Variants in LRP1B observed in about 807,000 individuals in gnomAD.
LRP1B encodes the protein low-density lipoprotein receptor-related protein 1B.
In LRP1B, 217 loss-of-function variants were observed where a neutral mutation model predicts 556.6. That is an observed-to-expected ratio of 0.39 (90% CI 0.35 to 0.44). The LOEUF is 0.44. Among genes scored for constraint, LRP1B ranks in the 20% least tolerant of loss-of-function variants. The pLI is 1.00. For synonymous variants in LRP1B, 2,047 were observed against 1,865.8 expected (o/e 1.10, Z -2.50); for missense variants, 5,053 against 5,620.8 (o/e 0.90, Z 3.23).
At chr2:140,648,062 G>A (rs145612961) in intron 41 of LRP1B, among the ~76,000 whole-genome samples, 2,290 of 152,240 alleles carry the variant, frequency 0.015, 65 homozygotes, top group African/African-American at 0.051. Context: ...GTGATAGACT[G>A]GATTAAGAAA....
At chr2:141,335,611 C>A (rs1159653733) in intron 3 of LRP1B, among the ~76,000 whole-genome samples, 1 of 151,958 alleles carries the variant, frequency 6.6e-6, no homozygotes, top group Non-Finnish European at 1.5e-5. Flanking sequence ...TTAAAATCCA[C>A]TAGAGACAGT....
chr2:140,603,952 G>T (rs190353538), intron 41 of LRP1B, among the ~76,000 whole-genome samples: 1 of 152,214 alleles, frequency 6.6e-6, no homozygotes, highest in Admixed American at 6.5e-5. Context: ...CATGTGGCAT[G>T]TATATGTGTG....
At chr2:140,443,934 ACTCT>A (rs1409310101) in intron 65 of LRP1B, among the ~76,000 whole-genome samples, 1 of 152,174 alleles carries the variant, frequency 6.6e-6, no homozygotes, top group East Asian at 1.9e-4. Context: ...TGGAGAAAAC[ACTCT>A]CTAATTAAAA....
At chr2:140,914,609 A>G (rs1318971941) in intron 21 of LRP1B, among the ~76,000 whole-genome samples, 1 of 152,084 alleles carries the variant, frequency 6.6e-6, no homozygotes, top group Non-Finnish European at 1.5e-5. Flanking sequence ...GAAAGATGAG[A>G]AGGAGCAAAA....
At chr2:141,125,205 G>T (rs1574099429) in intron 7 of LRP1B, among the ~76,000 whole-genome samples, 1 of 152,124 alleles carries the variant, frequency 6.6e-6, no homozygotes, top group African/African-American at 2.4e-5. Context: ...GAAGAAACAG[G>T]ATTAAAAACC....
chr2:141,855,749 C>T lies in LRP1B; in HGVS notation c.83-45348G>A, dbSNP rs114547032. 7.9e-3 allele frequency among the ~76,000 whole-genome samples: 1,201 copies of T among 152,170 alleles called. 23 individuals carry two copies. Among genetic ancestry groups the T allele is most frequent in the African/African-American group, 0.027 (1,135 of 41,540 alleles). ...AGCAGATGACTCTCCTCCTCCCTTACGCCACATCCAAACAAGTGAAGTCTG... is the reference window on the plus strand; with the variant it reads ...AGCAGATGACTCTCCTCCTCCCTTATGCCACATCCAAACAAGTGAAGTCTG... On this transcript the variant is annotated intron_variant, in intron 1 of 90. Transcript: ENST00000389484.
intron 34 of LRP1B, 108 bp downstream of exon 34, chr2:140,770,769 CTAGT>C: frequency 1.4e-6 from 1 of 737,778 alleles, no homozygotes; most frequent in South Asian, 2.7e-5. Flanking sequence ...TTCCTAATAA[CTAGT>C]TAATTTTTTT....
intron 3 of LRP1B, among the ~76,000 whole-genome samples, chr2:141,323,864 C>T (rs1047499571): frequency 2.0e-5 from 3 of 151,636 alleles, no homozygotes; most frequent in Middle Eastern, 3.4e-3. Flanking sequence ...CACACACACA[C>T]ATACACACAT....
intron 6 of LRP1B, among the ~76,000 whole-genome samples, chr2:141,207,011 G>C (rs1293888085): frequency 6.6e-6 from 1 of 152,140 alleles, no homozygotes; most frequent in African/African-American, 2.4e-5. Context: ...CAAGTTTCCA[G>C]CGTATTCAGA....
At chr2:140,525,552 G>T (rs1451868590) in intron 49 of LRP1B, among the ~76,000 whole-genome samples, 3 of 151,870 alleles carry the variant, frequency 2.0e-5, no homozygotes, top group African/African-American at 4.8e-5. Context: ...TCTGTTGAAG[G>T]ATTATAAATT....
chr2:141,336,767 A>G (rs1448933197), intron 3 of LRP1B, among the ~76,000 whole-genome samples: 1 of 152,186 alleles, frequency 6.6e-6, no homozygotes, highest in Non-Finnish European at 1.5e-5. Flanking sequence ...CTTGCTCACT[A>G]TAATTCTTTG....
At chr2:141,040,900 T>C (rs1174936699) in intron 11 of LRP1B, among the ~76,000 whole-genome samples, 1 of 152,074 alleles carries the variant, frequency 6.6e-6, no homozygotes, top group African/African-American at 2.4e-5. Flanking sequence ...TCGGAGAATA[T>C]ATTTGACAGA....
chr2:141,445,320 T>C (rs192704480), intron 3 of LRP1B, among the ~76,000 whole-genome samples: 2,235 of 152,318 alleles, frequency 0.015, 36 homozygotes, highest in South Asian at 0.025. Flanking sequence ...TTCTCTCTTT[T>C]CTTCTTTATT....
intron 3 of LRP1B, among the ~76,000 whole-genome samples, chr2:141,268,890 G>C (rs1684987739): frequency 6.6e-6 from 1 of 152,102 alleles, no homozygotes; most frequent in Non-Finnish European, 1.5e-5. Context: ...GAATGTACTG[G>C]GGTCCAGTTA....
chr2:140,842,346 A>G (rs1435043755), intron 29 of LRP1B, among the ~76,000 whole-genome samples: 1 of 152,286 alleles, frequency 6.6e-6, no homozygotes, highest in East Asian at 1.9e-4. Flanking sequence ...TCCAGCTTAC[A>G]TTTCCATGCC....
intron 11 of LRP1B, among the ~76,000 whole-genome samples, chr2:141,030,417 C>G (rs1159378044): frequency 6.6e-6 from 1 of 151,872 alleles, no homozygotes; most frequent in Non-Finnish European, 1.5e-5. Context: ...CGAGTTAAAC[C>G]TTGCAATTTG....
In LRP1B at chr2:141,810,357, C is replaced by A. The variant is rs781184564; in HGVS notation, c.127G>T (p.Val43Leu). ...DPGEFLCHDH[V>L]TCVSQSWLCD... The stretch of plus-strand genomic sequence containing the variant: ...AGCCAGCTCTGGGAGACACAAGTCA[C>A]GTGATCGTGGCAAAGAAATTCACCA... Residue 43 changes from valine (V) to leucine (L), a missense_variant, in exon 2 of 91, where the codon GTG becomes TTG. Val to Leu is a conservative substitution (Grantham distance 32). This residue lies in a region of LRP1B where 3,619 missense variants were observed against 3,931.9 expected (regional missense o/e 0.92). Transcript: ENST00000389484. 17 of 1,612,882 alleles carry A rather than the reference C, an allele frequency of 1.1e-5. No homozygotes were observed. The highest frequency in any genetic ancestry group is 1.4e-5 in the Non-Finnish European group (16 of 1,179,384).
chr2:142,097,806 C>G (rs1281179015), intron 1 of LRP1B, among the ~76,000 whole-genome samples: 1 of 151,654 alleles, frequency 6.6e-6, no homozygotes, highest in East Asian at 1.9e-4. Flanking sequence ...TTCTGAAGCA[C>G]TCATTTTTTT....
At chr2:140,616,691 G>A (rs185804737) in intron 41 of LRP1B, among the ~76,000 whole-genome samples, 1 of 151,594 alleles carries the variant, frequency 6.6e-6, no homozygotes, top group Non-Finnish European at 1.5e-5. Flanking sequence ...GGTATAAATT[G>A]TTTATTAATA....
Sources: allele counts gnomAD v4.1 joint callset (sites outside exome capture counted in the v4.1 genomes callset), GRCh38; gene constraint gnomAD v4.1.1; regional missense constraint gnomAD v4.1.1; transcripts MANE v1.5; gene names NCBI Gene and HGNC (gene_info 2026-07-23, HGNC 2026-07-21).